HAUS5: variants seen among roughly 807,000 people sequenced by gnomAD.
HAUS5 encodes the protein HAUS augmin-like complex subunit 5.
In HAUS5, 67 loss-of-function variants were observed where a neutral mutation model predicts 94.1. The ratio of observed to expected loss-of-function variants is 0.71; its 90% CI spans 0.58 to 0.87. The LOEUF is 0.87. Among genes scored for constraint, HAUS5 ranks in the 40% least tolerant of loss-of-function variants. The pLI is 0.00. For missense variants in HAUS5, 739 were observed against 825.6 expected, an observed-to-expected ratio of 0.90 and a Z score of 1.29; for synonymous variants, 339 against 355.4, an observed-to-expected ratio of 0.95 and a Z score of 0.52.
chr19:35,613,936 C>T (rs751486029), intron 3 of HAUS5, 36 bp downstream of exon 3: 1 of 1,612,256 alleles, frequency 6.2e-7, no homozygotes, highest in South Asian at 1.1e-5. Flanking sequence ...TCCTGTCTTC[C>T]CCACTCCCAT....
In HAUS5 at chr19:35,620,347, C is replaced by A; in HGVS notation, c.1651+20C>A. On this transcript the variant is annotated intron_variant, in intron 17 of 18. Transcript: ENST00000203166. Reference sequence around the variant, plus strand: ...CCCAGGGTAGGTCTGCCCTGCCACCCCATCCAGCCTCCCCGCCCATTCCCA... The same window carrying A: ...CCCAGGGTAGGTCTGCCCTGCCACCACATCCAGCCTCCCCGCCCATTCCCA... 1 of 1,607,344 alleles carries A rather than the reference C, an allele frequency of 6.2e-7. No homozygotes were observed. Among genetic ancestry groups the A allele is most frequent in the South Asian group, 1.1e-5 (1 of 90,532 alleles).
At chr19:35,618,225 G>A (rs1967138317) in intron 10 of HAUS5, 30 bp downstream of exon 10, 1 of 1,595,276 alleles carries the variant, frequency 6.3e-7, no homozygotes, top group Non-Finnish European at 8.6e-7. Context: ...CACAGTTGGG[G>A]AAGGCCATGT....
chr19:35,618,680 G>T lies in HAUS5; in HGVS notation c.997G>T (p.Val333Phe). 3 of 1,599,568 alleles carry T rather than the reference G, an allele frequency of 1.9e-6. No individual in the cohort carries two copies. In the South Asian group the frequency reaches 3.3e-5, roughly 18 times the overall value. ...CCTGGTGGAGGAGGTGGAGAGACGCGTCCTGGGATCCAGTGAGAGGTGGGG... is the reference window on the plus strand; with the variant it reads ...CCTGGTGGAGGAGGTGGAGAGACGCTTCCTGGGATCCAGTGAGAGGTGGGG... ...QGLVEEVERR[V>F]LGSSERQVLI... The change falls in exon 12 of 19, where the codon GTC (valine) becomes TTC (phenylalanine). Residue 333 changes from valine to phenylalanine, a missense_variant. Val to Phe is a conservative substitution (Grantham distance 50, BLOSUM62 -1). Coordinates refer to ENST00000203166, the MANE Select transcript of HAUS5 (RefSeq NM_015302.2).
At position 35,622,451 on chromosome 19, in the gene HAUS5, C is replaced by T; in HGVS notation, c.1652-150C>T. 3 of 812,992 alleles carry T rather than the reference C, an allele frequency of 3.7e-6. No individual in the cohort carries two copies. In the Admixed American group the frequency reaches 7.4e-5, roughly 20 times the overall value. The allele number at this position is 812,992 out of a possible 1,614,324, so 50.4% of individuals were successfully genotyped here. ...GGGCAGTCCCTCAGAAGGGGACTTC[C>T]AGGCTGGGAAGAGAAGGAGACAGAC... On this transcript the variant is annotated intron_variant, in intron 17 of 18. Coordinates refer to ENST00000203166, the MANE Select transcript of HAUS5 (RefSeq NM_015302.2).
rs767583989 is a variant in HAUS5 at position 35,615,158 on chromosome 19, G to C, written c.325+11G>C. 23 of 1,610,680 alleles carry C rather than the reference G, an allele frequency of 1.4e-5. No homozygotes were observed. Among genetic ancestry groups the C allele is most frequent in the Admixed American group, 5.0e-5 (3 of 59,562 alleles). On this transcript the variant is annotated intron_variant, in intron 5 of 18. Coordinates refer to ENST00000203166, the MANE Select transcript of HAUS5 (RefSeq NM_015302.2). ...ACACTGAGGCTCAGGGTGAGCCATG[G>C]GGCCAGAAGATGGGCACCAGAATGT...
chr19:35,619,928 T>C, intron 15 of HAUS5, 84 bp from the exon 16 acceptor site: 1 of 1,548,226 alleles, frequency 6.5e-7, no homozygotes, highest in South Asian at 1.2e-5. Context: ...CAGACCCACC[T>C]TGAAGTTCCT....
rs1198294134 is a variant in HAUS5 at position 35,625,296 on chromosome 19, A to C, written c.*2303A>C. On this transcript the variant is annotated 3_prime_UTR_variant, in exon 19 of 19. Coordinates refer to ENST00000203166, the MANE Select transcript of HAUS5 (RefSeq NM_015302.2). The stretch of plus-strand genomic sequence containing the variant: ...ATATAAACTCAAGTAAACACCCTGT[A>C]GTCTTTCACATGAATTGGAAATATC... 1 of 152,238 alleles carries C rather than the reference A, an allele frequency of 6.6e-6. No homozygotes were observed. Among genetic ancestry groups the C allele is most frequent in the African/African-American group, 2.4e-5 (1 of 41,458 alleles). The allele number at this position is 152,238 out of a possible 1,614,324, so 9.4% of individuals were successfully genotyped here.
chr19:35,622,269 GAA>G (rs1967219741), intron 17 of HAUS5, among the ~76,000 whole-genome samples: 2 of 152,012 alleles, frequency 1.3e-5, no homozygotes, highest in African/African-American at 4.8e-5. Context: ...CAGAGGAGAG[GAA>G]GAAACGCTCA....
At position 35,619,404 on chromosome 19, in the gene HAUS5, A is replaced by G; in HGVS notation, c.1180-20A>G. 1 of 1,559,978 alleles carries G rather than the reference A, an allele frequency of 6.4e-7. No individual in the cohort carries two copies. The highest frequency in any genetic ancestry group is 8.7e-7 in the Non-Finnish European group (1 of 1,147,870). Reference sequence around the variant, plus strand: ...CTGGGAGCTGGGAGGAGTGGGTCTCAGGGTATCCTGGTTCCTCAGGAGGAG... The same window carrying G: ...CTGGGAGCTGGGAGGAGTGGGTCTCGGGGTATCCTGGTTCCTCAGGAGGAG... On this transcript the variant is annotated intron_variant, in intron 13 of 18. Transcript: ENST00000203166.
rs2146333639 is a variant in HAUS5, at chr19:35,613,722, C to T, written c.99-8C>T. ...CCCCAGGCATATGCTTACACACTGT[C>T]CCCACAGGCTGTGTCTGGGCCAGGG... On this transcript the variant is annotated splice_region_variant and splice_polypyrimidine_tract_variant and intron_variant, in intron 1 of 18. Transcript: ENST00000203166. 2.5e-6 allele frequency: 4 copies of T among 1,613,198 alleles called. No homozygotes were observed. Among genetic ancestry groups the T allele is most frequent in the Non-Finnish European group, 3.4e-6 (4 of 1,179,274 alleles).
At chr19:35,622,558 A>C (rs1448209866) in intron 17 of HAUS5, 43 bp from the exon 18 acceptor site, 1 of 1,604,732 alleles carries the variant, frequency 6.2e-7, no homozygotes, top group African/African-American at 1.3e-5. Context: ...GGTACCAGCG[A>C]GCCAGAGGAC....
intron 17 of HAUS5, among the ~76,000 whole-genome samples, chr19:35,620,691 G>C (rs527412102): frequency 6.6e-6 from 1 of 152,154 alleles, no homozygotes; most frequent in African/African-American, 2.4e-5. Context: ...TCAAAGCCTG[G>C]GAATCCTCTC....
intron 5 of HAUS5, 36 bp downstream of exon 5, chr19:35,615,183 T>C (rs145984845): frequency 9.3e-6 from 15 of 1,611,932 alleles, no homozygotes; most frequent in Middle Eastern, 1.7e-4. Context: ...CACCAGAATG[T>C]GGGGCGGGAA....
chr19:35,614,119 C>T, intron 4 of HAUS5, 60 bp downstream of exon 4: 1 of 1,484,190 alleles, frequency 6.7e-7, no homozygotes, highest in Non-Finnish European at 9.4e-7. Context: ...AGATCTTCTG[C>T]TCTAAGCCCA....
chr19:35,619,757 G>A lies in HAUS5; in HGVS notation c.1405G>A (p.Glu469Lys). 1.9e-6 allele frequency: 3 copies of A among 1,546,958 alleles called. No individual in the cohort carries two copies. Among genetic ancestry groups the A allele is most frequent in the Non-Finnish European group, 2.6e-6 (3 of 1,145,548 alleles). The change falls in exon 15 of 19, where the codon GAG (glutamate) becomes AAG (lysine). Residue 469 changes from glutamate (E) to lysine (K), a missense_variant and splice_region_variant. Physicochemically the swap from Glu to Lys is moderately conservative, Grantham distance 56. Coordinates refer to ENST00000203166, the MANE Select transcript of HAUS5 (RefSeq NM_015302.2). ...CACGCTGCTGCGGCACAGGCCGGGA[G>A]AGTGAGACTGGGGCTGCCCCACCCC... ...LGTLLRHRPG[E>K]LKPLPTVLPS...
At chr19:35,619,293 A>G in intron 13 of HAUS5, 131 bp from the exon 14 acceptor site, 1 of 776,632 alleles carries the variant, frequency 1.3e-6, no homozygotes, top group East Asian at 2.6e-5. Context: ...GCTGTCACTT[A>G]AAAATTAAGA....
rs559834619 is a variant in HAUS5 at position 35,612,948 on chromosome 19, G to A, written c.98+56G>A. 62 of 1,211,170 alleles carry A rather than the reference G, an allele frequency of 5.1e-5. No homozygotes were observed. In the African/African-American group the frequency reaches 8.1e-4, roughly 16 times the overall value. The allele number at this position is 1,211,170 out of a possible 1,614,324, so 75.0% of individuals were successfully genotyped here. ...CACCCTGGAGATTGAGTCTCCGGGA[G>A]TGAGAACTCCACCCCTCATTGAGGA... On this transcript the variant is annotated intron_variant, in intron 1 of 18. Coordinates refer to ENST00000203166, the MANE Select transcript of HAUS5 (RefSeq NM_015302.2).
At chr19:35,619,817 C>G (rs1224336856) in intron 15 of HAUS5, 59 bp downstream of exon 15, 1 of 1,497,352 alleles carries the variant, frequency 6.7e-7, no homozygotes, top group Non-Finnish European at 8.9e-7. Flanking sequence ...GACTGTCACT[C>G]CCTGAACCTC....
At chr19:35,616,608 C>T (rs902449469) in intron 6 of HAUS5, among the ~76,000 whole-genome samples, 1 of 152,134 alleles carries the variant, frequency 6.6e-6, no homozygotes, top group Non-Finnish European at 1.5e-5. Context: ...ACCTCTGCCT[C>T]TGGGGTTCAA....
Sources: gnomAD v4.1 joint callset for allele counts (sites outside exome capture counted in the v4.1 genomes callset) on GRCh38, gnomAD v4.1.1 for gene constraint, MANE v1.5 for transcripts, NCBI Gene and HGNC (gene_info 2026-07-23, HGNC 2026-07-21) for gene names.